The following PTCH1 variants were observed in gnomAD, a reference collection of about 807,000 sequenced individuals.
The protein encoded by PTCH1 is protein patched homolog 1.
A neutral mutation model predicts 144.6 loss-of-function variants in PTCH1; 14 were observed. The observed-to-expected ratio is 0.10, with a 90% CI of 0.06 to 0.15. The LOEUF (loss-of-function observed/expected upper bound fraction) is 0.15. Ranked by LOEUF, PTCH1 falls within the 10% of genes least tolerant of loss-of-function variation. The pLI is 1.00. For missense variants in PTCH1, 1,623 were observed against 1,948.3 expected, an observed-to-expected ratio of 0.83 and a Z score of 3.14; for synonymous variants, 833 against 793.6, an observed-to-expected ratio of 1.05 and a Z score of -0.83.
intron 16 of PTCH1, 188 bp from the exon 17 acceptor site, chr9:95,459,971 C>T (rs942508682): frequency 2.5e-5 from 17 of 676,514 alleles, no homozygotes; most frequent in African/African-American, 2.0e-4. Flanking sequence ...TCGGAGGATG[C>T]AATCACTGGC....
At chr9:95,512,728 G>A (rs1844215479), upstream of PTCH1, among the ~76,000 whole-genome samples, 1 of 152,226 alleles carries the variant, frequency 6.6e-6, no homozygotes, top group Admixed American at 6.5e-5. Context: ...GATCTGAGAT[G>A]CAGACTGGGG....
In PTCH1 at chr9:95,508,196, A is replaced by T. The variant is rs1340609158; in HGVS notation, c.166T>A (p.Cys56Ser). Reference sequence around the variant, plus strand: ...TGCTCCAGAGCGAAGGCGGCGTCGCAGTAGCTGGGCCGGTGCAGATAGTCC... The same window carrying T: ...TGCTCCAGAGCGAAGGCGGCGTCGCTGTAGCTGGGCCGGTGCAGATAGTCC... ...DRDYLHRPSY[C>S]DAAFALEQIS... Residue 56 changes from cysteine (C) to serine (S), a missense_variant, in exon 1 of 24, where the codon TGC becomes AGC. This residue lies in a region of PTCH1 where 245 missense variants were observed against 240.6 expected (regional missense o/e 1.02). Transcript: ENST00000331920. The T allele has an allele frequency of 1.2e-6, 2 of 1,612,626 alleles. No individual in the cohort carries two copies. The highest frequency in any genetic ancestry group is 1.1e-5 in the South Asian group (1 of 91,074).
At chr9:95,503,320 T>A (rs1354363724) in intron 2 of PTCH1, 1 of 152,210 alleles carries the variant, frequency 6.6e-6, no homozygotes, top group African/African-American at 2.4e-5. Context: ...GGACGTCCAC[T>A]GAGGTATAGG....
Position 95,508,959 on chromosome 9 carries a change from CGCGGTGGCTGCTGCTG to C in PTCH1, c.-614_-599del, listed in dbSNP as rs1298225637. ...GGGCAGCCGCAGCTGCCGCTGCTCC[CGCGGTGGCTGCTGCTG>C]GCGGTGGCGGCTCCAGGAGCTGCTG... is the stretch of plus-strand genomic sequence containing the variant. On this transcript the variant is annotated 5_prime_UTR_variant, in exon 1 of 24. It removes the in-frame stop codon of an upstream open reading frame in the 5' UTR. Transcript: ENST00000331920. Among the ~76,000 whole-genome samples the C allele has an allele frequency of 1.3e-5, 2 of 151,592 alleles. No individual in the cohort carries two copies. Among genetic ancestry groups the C allele is most frequent in the African/African-American group, 4.8e-5 (2 of 41,352 alleles).
intron 18 of PTCH1, 88 bp downstream of exon 18, chr9:95,457,925 G>T (rs1231251591): frequency 1.3e-6 from 2 of 1,532,422 alleles, no homozygotes; most frequent in Non-Finnish European, 1.8e-6. Flanking sequence ...TCCTCCAGAG[G>T]CCCAGACATA....
At position 95,515,995 on chromosome 9, in the gene PTCH1, C is replaced by A. The variant is rs1348973691; in HGVS notation, c.3+474G>T. ...CTTCCGCGCGCGCGCTCTGAGCCCC[C>A]TCCCCTCGGCGCTGTCACTCTCCGC... On this transcript the variant is annotated intron_variant, in intron 1 of 22. Transcript: ENST00000430669. 3.3e-5 allele frequency among the ~76,000 whole-genome samples: 5 copies of A among 152,058 alleles called. No individual in the cohort carries two copies. The East Asian group carries it at 9.7e-4, about 30-fold the overall frequency.
At chr9:95,496,219 T>C (rs1388273678) in intron 2 of PTCH1, among the ~76,000 whole-genome samples, 1 of 152,186 alleles carries the variant, frequency 6.6e-6, no homozygotes, top group Non-Finnish European at 1.5e-5. Flanking sequence ...TAATCACCTG[T>C]CTAACTCGCT....
At position 95,467,312 on chromosome 9, in the gene PTCH1, A is replaced by G. The variant is rs1362991131; in HGVS notation, c.2364T>C (p.Tyr788=). ...ATTTGAATTGTGCAGCAATAAAGTC[A>G]TATTCTCTGGTTTCCCGAGGTACAA... The part of the protein sequence containing the change: ...TDIVPRETRE[Y]DFIAAQFKYF... Residue 788 remains tyrosine (Y), a synonymous_variant, in exon 15 of 24, where the codon TAT becomes TAC. Transcript: ENST00000331920. The G allele has an allele frequency of 6.8e-6, 11 of 1,614,110 alleles. No homozygotes were observed. The highest frequency in any genetic ancestry group is 1.6e-4 in the Middle Eastern group (1 of 6,082).
chr9:95,508,898 C>T lies in PTCH1; in HGVS notation c.-537G>A, dbSNP rs1304738267. On this transcript the variant is annotated 5_prime_UTR_variant, in exon 1 of 24. Transcript: ENST00000331920. ...GCAGAGCCGCCGCCGCCGCGGGGTC[C>T]GAGGGTGCCCGGCGGGTCTCAGCGC... 1 of 896,310 alleles carries T rather than the reference C, an allele frequency of 1.1e-6. No individual in the cohort carries two copies. Among genetic ancestry groups the T allele is most frequent in the East Asian group, 1.2e-4 (1 of 8,336 alleles). 55.5% of individuals were successfully genotyped at this position (896,310 alleles called of 1,614,324 possible).
chr9:95,462,027 T>C (rs2136690634), intron 15 of PTCH1, 29 bp from the exon 16 acceptor site: 1 of 1,614,066 alleles, frequency 6.2e-7, no homozygotes, highest in Non-Finnish European at 8.5e-7. Flanking sequence ...TGTAACACAT[T>C]ATAACTCGCA....
intron 23 of PTCH1, 166 bp from the exon 24 acceptor site, chr9:95,446,557 G>A (rs1837908508): frequency 2.3e-6 from 1 of 442,036 alleles, no homozygotes; most frequent in Non-Finnish European, 4.4e-6. Context: ...CCCTTCATCT[G>A]GGGGCTGGTT....
In PTCH1 at chr9:95,469,914, C is replaced by T. The variant is rs1588578518; in HGVS notation, c.1746G>A (p.Val582=). 1 of 1,614,038 alleles carries T rather than the reference C, an allele frequency of 6.2e-7. No individual in the cohort carries two copies. Among genetic ancestry groups the T allele is most frequent in the South Asian group, 1.1e-5 (1 of 91,078 alleles). Residue 582 remains valine, a synonymous_variant, in exon 13 of 24, where the codon GTG becomes GTA. Transcript: ENST00000331920. ...TGAGCAGAACCATGGCAAAATTGAA[C>T]ACCACTACTACCGCTGCCTGGGAGC... The part of the protein sequence containing the change: ...AFSLQAAVVV[V]FNFAMVLLIF...
chr9:95,516,489 T>C (rs1844369872), exon 1 of PTCH1: 2 of 1,534,496 alleles, frequency 1.3e-6, no homozygotes, highest in East Asian at 2.5e-5. Context: ...CGTCAACCCC[T>C]GCTCGGAGCG....
chr9:95,459,727 G>A lies in PTCH1; in HGVS notation c.2760C>T (p.Tyr920=), dbSNP rs1588544909. 1.9e-6 allele frequency: 3 copies of A among 1,614,268 alleles called. No individual in the cohort carries two copies. Among genetic ancestry groups the A allele is most frequent in the Non-Finnish European group, 1.7e-6 (2 of 1,180,048 alleles). ...TGCTGACCCAAGCCGTCAGGTAGATGTAGAAAGCGCTGGGATTAATGATGC... is the reference window on the plus strand; with the variant it reads ...TGCTGACCCAAGCCGTCAGGTAGATATAGAAAGCGCTGGGATTAATGATGC... ...ADGIINPSAF[Y]IYLTAWVSND... Residue 920 remains tyrosine, a synonymous_variant, in exon 17 of 24, where the codon TAC becomes TAT. Transcript: ENST00000331920.
At chr9:95,516,577 C>G in exon 1 of PTCH1, 1 of 1,573,156 alleles carries the variant, frequency 6.4e-7, no homozygotes, top group Non-Finnish European at 8.6e-7. Context: ...TTTCCTCGTC[C>G]TCCGCTCCTC....
Position 95,461,978 on chromosome 9 carries a change from T to C in PTCH1, c.2581A>G (p.Ser861Gly), listed in dbSNP as rs1338982883. ...ATGATTTTCCCGGTTTCCCAGTCAC[T>C]GTCAAATGCATCCTGAAGTCCTAGA... ...WLQGLQDAFD[S>G]DWETGKIMPN... Residue 861 changes from serine to glycine, a missense_variant, in exon 16 of 24, where the codon AGT (serine) becomes GGT (glycine). By Grantham distance (56) the Ser-to-Gly change is moderately conservative. This residue lies in a region of PTCH1 where 504 missense variants were observed against 679.3 expected (regional missense o/e 0.74). Transcript: ENST00000331920. 1 of 1,614,248 alleles carries C rather than the reference T, an allele frequency of 6.2e-7. No individual in the cohort carries two copies. Among genetic ancestry groups the C allele is most frequent in the Non-Finnish European group, 8.5e-7 (1 of 1,180,042 alleles).
rs1843967426 is a variant in PTCH1, at chr9:95,508,788, A to G, written c.-427T>C. 1 of 982,392 alleles carries G rather than the reference A, an allele frequency of 1.0e-6. No individual in the cohort carries two copies. Among genetic ancestry groups the G allele is most frequent in the South Asian group, 4.7e-5 (1 of 21,086 alleles). The allele number at this position is 982,392 out of a possible 1,614,324, so 60.9% of individuals were successfully genotyped here. ...GCCGCGACCCCTTCACTGCAGAAAGAGCCAGCGAATCCCCGCTGCTCCCGC... is the reference window on the plus strand; with the variant it reads ...GCCGCGACCCCTTCACTGCAGAAAGGGCCAGCGAATCCCCGCTGCTCCCGC... On this transcript the variant is annotated 5_prime_UTR_variant, in exon 1 of 24. Transcript: ENST00000331920.
Position 95,458,941 on chromosome 9 carries a change from G to A in PTCH1, c.2888-648C>T, listed in dbSNP as rs1319504019. 6.6e-6 allele frequency among the ~76,000 whole-genome samples: 1 copy of A among 152,156 alleles called. No homozygotes were observed. The highest frequency in any genetic ancestry group is 2.4e-5 in the African/African-American group (1 of 41,450). ...AGGGCTCTGGGCAGCACTGGATCCG[G>A]GGAAGCACTACTCGCTGAGTCTCCA... On this transcript the variant is annotated intron_variant, in intron 17 of 23. Coordinates refer to ENST00000331920, the MANE Select transcript of PTCH1 (RefSeq NM_000264.5). This position sits in a 1 kb window ranked among gnomAD's most constrained non-coding sequence, Gnocchi z 4.7.
intron 20 of PTCH1, chr9:95,450,179 GAAAA>G (rs572458025): frequency 2.0e-6 from 1 of 509,506 alleles, no homozygotes; most frequent in Non-Finnish European, 3.5e-6. Context: ...ATGAAGGGAA[GAAAA>G]AAAAAATTAG....
Sources: allele counts gnomAD v4.1 joint callset (sites outside exome capture counted in the v4.1 genomes callset), GRCh38; gene constraint gnomAD v4.1.1; regional missense constraint gnomAD v4.1.1; non-coding constraint Gnocchi (gnomAD v3.1); transcripts MANE v1.5; gene names NCBI Gene and HGNC (gene_info 2026-07-23, HGNC 2026-07-21).